Variants in RAP1GDS1 observed in about 807,000 individuals in gnomAD.
The protein encoded by RAP1GDS1 is Rap1 GTPase-GDP dissociation stimulator 1.
RAP1GDS1 carries 35 observed loss-of-function variants against 71.1 expected under a neutral mutation model. The ratio of observed to expected loss-of-function variants is 0.49; its 90% CI spans 0.38 to 0.65. The LOEUF is 0.65. Ranked by LOEUF, RAP1GDS1 falls within the 30% of genes least tolerant of loss-of-function variation. RAP1GDS1 has a pLI of 0.00. For missense variants in RAP1GDS1, 663 were observed against 706.1 expected, an observed-to-expected ratio of 0.94 and a Z score of 0.69; for synonymous variants, 229 against 243.1, an observed-to-expected ratio of 0.94 and a Z score of 0.54.
intron 2 of RAP1GDS1, among the ~76,000 whole-genome samples, chr4:98,308,543 A>G (rs899456321): frequency 7.9e-5 from 12 of 151,732 alleles, no homozygotes; most frequent in African/African-American, 2.9e-4. Context: ...TTGCCGAATT[A>G]ATGTGTTGAA....
At chr4:98,361,009 C>A (rs1313680534) in intron 4 of RAP1GDS1, among the ~76,000 whole-genome samples, 1 of 151,220 alleles carries the variant, frequency 6.6e-6, no homozygotes, top group Non-Finnish European at 1.5e-5. Context: ...TTGCTTGAAC[C>A]CAGGAGGCAG....
At chr4:98,385,566 T>A (rs1742622802) in intron 5 of RAP1GDS1, among the ~76,000 whole-genome samples, 1 of 151,906 alleles carries the variant, frequency 6.6e-6, no homozygotes, top group Non-Finnish European at 1.5e-5. Flanking sequence ...GTAAATTAAC[T>A]TTTATGAAGA....
chr4:98,315,655 G>T (rs565668571), intron 2 of RAP1GDS1, among the ~76,000 whole-genome samples: 2 of 152,104 alleles, frequency 1.3e-5, no homozygotes, highest in Admixed American at 1.3e-4. Flanking sequence ...ATGCAAGGAA[G>T]GGTCAAGAGG....
At chr4:98,314,379 C>G (rs920380783) in intron 2 of RAP1GDS1, among the ~76,000 whole-genome samples, 1 of 152,150 alleles carries the variant, frequency 6.6e-6, no homozygotes, top group Non-Finnish European at 1.5e-5. Context: ...GTGAGAGAAT[C>G]TTATCAAGAT....
chr4:98,295,392 C>T lies in RAP1GDS1; in HGVS notation c.112+1877C>T, dbSNP rs536103664. Among the ~76,000 whole-genome samples the T allele has an allele frequency of 1.2e-4, 18 of 152,120 alleles. No homozygotes were observed. The South Asian group carries it at 2.9e-3, about 25-fold the overall frequency. On this transcript the variant is annotated intron_variant, in intron 2 of 14. Transcript: ENST00000408927. ...AATCTGAAACAAAATTTATAAATGC[C>T]CTCAAGCCTAAGACTACTGACAAAG...
chr4:98,395,328 T>C (rs1744364435), intron 6 of RAP1GDS1, among the ~76,000 whole-genome samples: 2 of 152,218 alleles, frequency 1.3e-5, no homozygotes, highest in Admixed American at 1.3e-4. Context: ...TTAATGGATA[T>C]GTCAGAAATT....
At chr4:98,390,933 A>ATAACT in intron 5 of RAP1GDS1, among the ~76,000 whole-genome samples, 1 of 152,194 alleles carries the variant, frequency 6.6e-6, no homozygotes, top group African/African-American at 2.4e-5. Flanking sequence ...GCAAAGAGAA[A>ATAACT]TAACTTAAAA....
At chr4:98,329,930 A>G (rs940242198) in intron 2 of RAP1GDS1, among the ~76,000 whole-genome samples, 2 of 149,904 alleles carry the variant, frequency 1.3e-5, no homozygotes, top group Non-Finnish European at 3.0e-5. Flanking sequence ...TCTTTTTTTT[A>G]AATTTTTTTA....
chr4:98,305,145 A>G (rs1729143871), intron 2 of RAP1GDS1, among the ~76,000 whole-genome samples: 2 of 152,162 alleles, frequency 1.3e-5, no homozygotes, highest in East Asian at 3.9e-4. Context: ...TGTCTTGGCT[A>G]TACAGGCTCT....
rs988148457 is a variant in RAP1GDS1 at position 98,384,652 on chromosome 4, G to A, written c.508+5489G>A. Among the ~76,000 whole-genome samples, 3 of 151,550 alleles carry A rather than the reference G, an allele frequency of 2.0e-5. No homozygotes were observed. In the South Asian group the frequency reaches 6.2e-4, roughly 31 times the overall value. On this transcript the variant is annotated intron_variant, in intron 5 of 14. Transcript: ENST00000408927. ...CAGGCTGAGAGCTTGATTTTCAGTA[G>A]AGGTGTATCAGATACACATTTTGGT... is the stretch of plus-strand genomic sequence containing the variant.
At chr4:98,415,736 C>T (rs1747853571) in intron 7 of RAP1GDS1, among the ~76,000 whole-genome samples, 1 of 151,986 alleles carries the variant, frequency 6.6e-6, no homozygotes, top group Non-Finnish European at 1.5e-5. Context: ...CTCTAAAATA[C>T]CTTATGTTAT....
At chr4:98,396,634 A>G (rs1159486706) in intron 6 of RAP1GDS1, 1 of 152,234 alleles carries the variant, frequency 6.6e-6, no homozygotes, top group Non-Finnish European at 1.5e-5. Context: ...AAATATGTGT[A>G]TCTAAGACTT....
At chr4:98,401,957 C>T (rs1745475126) in intron 6 of RAP1GDS1, among the ~76,000 whole-genome samples, 1 of 152,138 alleles carries the variant, frequency 6.6e-6, no homozygotes, top group Admixed American at 6.5e-5. Context: ...ATGATGATGT[C>T]TATATACTTT....
At chr4:98,362,531 A>G (rs145468495) in intron 4 of RAP1GDS1, among the ~76,000 whole-genome samples, 301 of 152,156 alleles carry the variant, frequency 2.0e-3, no homozygotes, top group African/African-American at 7.1e-3. Context: ...CTGCTCCAGG[A>G]AATTAAAATA....
chr4:98,261,525 C>G lies in RAP1GDS1; in HGVS notation c.-41C>G. The G allele has an allele frequency of 6.3e-7, 1 of 1,592,416 alleles. No homozygotes were observed. The highest frequency in any genetic ancestry group is 8.6e-7 in the Non-Finnish European group (1 of 1,167,758). On this transcript the variant is annotated 5_prime_UTR_variant, in exon 1 of 15. Transcript: ENST00000408927. ...GAGCCGCGCCGCCCGCACCACAGACCTTCGCCTCGCCCCGCCGGTTCCTCA... is the reference window on the plus strand; with the variant it reads ...GAGCCGCGCCGCCCGCACCACAGACGTTCGCCTCGCCCCGCCGGTTCCTCA...
intron 3 of RAP1GDS1, among the ~76,000 whole-genome samples, chr4:98,350,440 T>G (rs1736996405): frequency 6.6e-6 from 1 of 152,142 alleles, no homozygotes; most frequent in Admixed American, 6.5e-5. Flanking sequence ...GGCCTGGTGG[T>G]TCTCACCTAT....
chr4:98,404,448 G>T, intron 6 of RAP1GDS1, 29 bp from the exon 7 acceptor site: 2 of 1,551,270 alleles, frequency 1.3e-6, no homozygotes, highest in Admixed American at 2.2e-5. Context: ...GACTTTATTT[G>T]GTTTAAGTTT....
In RAP1GDS1 at chr4:98,413,813, G is replaced by T. The variant is rs891068721; in HGVS notation, c.764-2932G>T. ...TCGCCACACTGACTTCCACAATGGT[G>T]GAACTAGTTTACAGTCCCACCAACA... On this transcript the variant is annotated intron_variant, in intron 7 of 14. Transcript: ENST00000408927. 2.8e-4 allele frequency among the ~76,000 whole-genome samples: 42 copies of T among 152,084 alleles called. No homozygotes were observed. In the East Asian group the frequency reaches 3.3e-3, roughly 12 times the overall value.
At chr4:98,273,130 T>G (rs1412165461) in intron 1 of RAP1GDS1, among the ~76,000 whole-genome samples, 1 of 152,178 alleles carries the variant, frequency 6.6e-6, no homozygotes, top group African/African-American at 2.4e-5. Context: ...TTTGCAAAAC[T>G]TCTTGAGCCA....
Sources: allele counts gnomAD v4.1 joint callset (sites outside exome capture counted in the v4.1 genomes callset), GRCh38; gene constraint gnomAD v4.1.1; transcripts MANE v1.5; gene names NCBI Gene and HGNC (gene_info 2026-07-23, HGNC 2026-07-21).